The following PROS1 variants were observed in gnomAD, a reference collection of about 807,000 sequenced individuals.
The protein encoded by PROS1 is protein S.
PROS1 carries 29 observed loss-of-function variants against 75.9 expected under a neutral mutation model. The ratio of observed to expected loss-of-function variants is 0.38; its 90% CI spans 0.28 to 0.52. The LOEUF (loss-of-function observed/expected upper bound fraction) is 0.52, where lower values mean the gene tolerates loss of function less well. PROS1 is among the 20% of genes least tolerant of loss of function. The pLI, the probability that PROS1 is intolerant of heterozygous loss-of-function variation, is 0.83. For synonymous variants in PROS1, 245 were observed against 280.6 expected, an observed-to-expected ratio of 0.87 and a Z score of 1.27; for missense variants, 680 against 810.3, an observed-to-expected ratio of 0.84 and a Z score of 1.95.
chr3:93,954,689 C>T (rs559006562), intron 1 of PROS1, among the ~76,000 whole-genome samples: 115 of 152,216 alleles, frequency 7.6e-4, no homozygotes, highest in African/African-American at 2.7e-3. Flanking sequence ...GACTAAAGTA[C>T]CAAAAGCAAT....
At position 93,923,794 on chromosome 3, in the gene PROS1, G is replaced by A. The variant is rs145549753; in HGVS notation, c.259+446C>T. Among the ~76,000 whole-genome samples, 62 of 152,096 alleles carry A rather than the reference G, an allele frequency of 4.1e-4. No homozygotes were observed. In the East Asian group the frequency reaches 0.011, roughly 27 times the overall value. ...ACATGCCTGTAATCCCAGCTACTCG[G>A]GAGGCTGAGGCACTTGAGAATCACT... On this transcript the variant is annotated intron_variant, in intron 3 of 14. Coordinates refer to ENST00000394236, the MANE Select transcript of PROS1 (RefSeq NM_000313.4).
chr3:93,890,800 A>G (rs1156275944), intron 10 of PROS1, among the ~76,000 whole-genome samples: 1 of 152,170 alleles, frequency 6.6e-6, no homozygotes, highest in Non-Finnish European at 1.5e-5. Context: ...ATGACCTCAC[A>G]TGACTTCTCA....
intron 1 of PROS1, among the ~76,000 whole-genome samples, chr3:93,973,327 C>T (rs933566867): frequency 6.6e-6 from 1 of 152,110 alleles, no homozygotes; most frequent in South Asian, 2.1e-4. Flanking sequence ...CCTTTTCTTC[C>T]CTACTCATAA....
chr3:93,910,994 A>T, intron 3 of PROS1: 1 of 377,760 alleles, frequency 2.6e-6, no homozygotes, highest in Non-Finnish European at 4.9e-6. Context: ...TTAGCATAGA[A>T]ATTTATTGTC....
intron 1 of PROS1, among the ~76,000 whole-genome samples, chr3:93,944,391 C>A (rs1368279748): frequency 2.0e-5 from 3 of 152,086 alleles, no homozygotes; most frequent in African/African-American, 7.2e-5. Context: ...ACATCAATGA[C>A]CACATAGTTG....
intron 1 of PROS1, among the ~76,000 whole-genome samples, chr3:93,968,554 T>C (rs1295144320): frequency 1.3e-5 from 2 of 152,136 alleles, no homozygotes; most frequent in African/African-American, 2.4e-5. Flanking sequence ...CTAATACAGT[T>C]ACCTAATCTC....
chr3:93,883,200 G>C (rs931184550), intron 12 of PROS1, among the ~76,000 whole-genome samples: 1 of 152,192 alleles, frequency 6.6e-6, no homozygotes, highest in African/African-American at 2.4e-5. Flanking sequence ...CAGGTAACAA[G>C]AGCACTCTGC....
intron 1 of PROS1, among the ~76,000 whole-genome samples, chr3:93,942,750 A>C (rs1343831498): frequency 6.6e-6 from 1 of 152,204 alleles, no homozygotes; most frequent in African/African-American, 2.4e-5. Context: ...CGCCTCTTAG[A>C]ACCTCTCATT....
chr3:93,905,838 G>T lies in PROS1; in HGVS notation c.547C>A (p.His183Asn). The T allele has an allele frequency of 4.3e-6, 7 of 1,612,448 alleles. No homozygotes were observed. Among genetic ancestry groups the T allele is most frequent in the Non-Finnish European group, 5.9e-6 (7 of 1,178,658 alleles). ...QICDNTPGSY[H>N]CSCKNGFVML... ...ACAAAACCATTTTTACAGGAACAGT[G>T]GTAACTTCCAGGTGTATTATCACAA... is the stretch of plus-strand genomic sequence containing the variant. Residue 183 changes from histidine to asparagine, a missense_variant, in exon 6 of 15, where the codon CAC becomes AAC. Transcript: ENST00000394236.
intron 1 of PROS1, among the ~76,000 whole-genome samples, chr3:93,939,196 C>T (rs1709237902): frequency 6.6e-6 from 1 of 152,160 alleles, no homozygotes. Flanking sequence ...TTTCTCCATC[C>T]TACATGATCT....
intron 1 of PROS1, among the ~76,000 whole-genome samples, chr3:93,968,250 C>T (rs2107270425): frequency 6.6e-6 from 1 of 152,182 alleles, no homozygotes; most frequent in East Asian, 1.9e-4. Context: ...GGCCTTAATC[C>T]AGTGAGTCTG....
Position 93,877,125 on chromosome 3 carries a change from G to T in PROS1, c.1711C>A (p.Gln571Lys). 1 of 1,612,706 alleles carries T rather than the reference G, an allele frequency of 6.2e-7. No homozygotes were observed. The highest frequency in any genetic ancestry group is 1.1e-5 in the South Asian group (1 of 91,034). ...ACTCTAAATTCCAGATGAGATTGTT[G>T]ATCGGAACATAGACTTAGGGCCTGT... ...RIQALSLCSD[Q>K]QSHLEFRVNR... The change falls in exon 14 of 15, where the codon CAA becomes AAA. Residue 571 changes from glutamine (Q) to lysine (K), a missense_variant. By Grantham distance (53) the Gln-to-Lys change is moderately conservative. Coordinates refer to ENST00000394236, the MANE Select transcript of PROS1 (RefSeq NM_000313.4).
intron 1 of PROS1, among the ~76,000 whole-genome samples, chr3:93,949,923 C>A (rs1016709793): frequency 6.6e-6 from 1 of 152,176 alleles, no homozygotes; most frequent in Non-Finnish European, 1.5e-5. Flanking sequence ...GGGGAATTCC[C>A]TTTCCTAGCC....
chr3:93,948,312 A>T (rs1198783732), intron 1 of PROS1, among the ~76,000 whole-genome samples: 1 of 152,182 alleles, frequency 6.6e-6, no homozygotes, highest in African/African-American at 2.4e-5. Context: ...AAAAGAAAAA[A>T]ATTGAGAACT....
intron 12 of PROS1, among the ~76,000 whole-genome samples, chr3:93,883,995 T>C (rs1708310534): frequency 6.6e-6 from 1 of 152,070 alleles, no homozygotes; most frequent in African/African-American, 2.4e-5. Flanking sequence ...CTGTGGTGCA[T>C]TAAGGGTAAT....
intron 3 of PROS1, among the ~76,000 whole-genome samples, chr3:93,915,781 T>C (rs1708837255): frequency 6.6e-6 from 1 of 151,814 alleles, no homozygotes; most frequent in African/African-American, 2.4e-5. Context: ...CATGTCTTCT[T>C]TTTTTTTGAC....
chr3:93,950,370 C>T (rs773181784), intron 1 of PROS1, among the ~76,000 whole-genome samples: 2 of 152,134 alleles, frequency 1.3e-5, no homozygotes, highest in Non-Finnish European at 2.9e-5. Context: ...ATCTGAGAAC[C>T]GACAGACTGC....
chr3:93,955,754 G>T (rs1044995938), intron 1 of PROS1, among the ~76,000 whole-genome samples: 13 of 151,948 alleles, frequency 8.6e-5, no homozygotes, highest in African/African-American at 2.9e-4. Context: ...AGAAAATTCT[G>T]CAGGCAATTG....
At chr3:93,942,589 T>C (rs1162144772) in intron 1 of PROS1, among the ~76,000 whole-genome samples, 2 of 152,120 alleles carry the variant, frequency 1.3e-5, no homozygotes, top group Non-Finnish European at 2.9e-5. Flanking sequence ...CTCCCACCTA[T>C]TCCCCCACTG....
Sources: allele counts gnomAD v4.1 joint callset (sites outside exome capture counted in the v4.1 genomes callset), GRCh38; gene constraint gnomAD v4.1.1; transcripts MANE v1.5; gene names NCBI Gene and HGNC (gene_info 2026-07-23, HGNC 2026-07-21).